ZNF831: variants seen among roughly 807,000 people sequenced by gnomAD.
The protein encoded by ZNF831 is chromosome 20 open reading frame 174.
In ZNF831, 59 loss-of-function variants were observed where a neutral mutation model predicts 95.8. That is an observed-to-expected ratio of 0.62 (90% CI 0.50 to 0.77). ZNF831 has a LOEUF of 0.77. Ranked by LOEUF, ZNF831 falls within the 30% of genes least tolerant of loss-of-function variation. The probability of loss-of-function intolerance (pLI) is 0.00; values close to 1 mark genes in which losing one functional copy is unlikely to be tolerated. For missense variants in ZNF831, 2,205 were observed against 2,164.0 expected (o/e 1.02, Z -0.38); for synonymous variants, 961 against 925.5 (o/e 1.04, Z -0.70).
intron 1 of ZNF831, among the ~76,000 whole-genome samples, chr20:59,165,023 G>T (rs1362935666): frequency 1.3e-5 from 2 of 152,178 alleles, no homozygotes; most frequent in African/African-American, 4.8e-5. Flanking sequence ...TCGCTTTATT[G>T]CCCCAGCTAA....
At chr20:59,232,961 G>A (rs942667040) in intron 4 of ZNF831, among the ~76,000 whole-genome samples, 1 of 148,986 alleles carries the variant, frequency 6.7e-6, no homozygotes, top group Admixed American at 6.7e-5. Context: ...GAAGTTCTGG[G>A]ATTCCTCTCA....
intron 4 of ZNF831, among the ~76,000 whole-genome samples, chr20:59,219,669 C>T (rs891285154): frequency 5.9e-5 from 9 of 152,148 alleles, no homozygotes; most frequent in African/African-American, 1.7e-4. Flanking sequence ...AACCGAAGGC[C>T]GTCACTCTTT....
intron 5 of ZNF831, 29 bp from the exon 6 acceptor site, chr20:59,253,869 C>CCTTTTTTTTTTTTTTTTT: frequency 9.4e-7 from 1 of 1,067,576 alleles, no homozygotes; most frequent in South Asian, 2.0e-5. Context: ...TCCCCCCCCA[C>CCTTTTTTTTTTTTTTTTT]TTTTTTTTTC....
chr20:59,258,197 G>T lies in ZNF831; in HGVS notation c.*3454G>T, dbSNP rs752711113. 1 of 152,160 alleles carries T rather than the reference G, an allele frequency of 6.6e-6. No individual in the cohort carries two copies. The highest frequency in any genetic ancestry group is 1.5e-5 in the Non-Finnish European group (1 of 68,022). 9.4% of individuals were successfully genotyped at this position (152,160 alleles called of 1,614,324 possible). A position where few individuals can be genotyped will look rare whatever the true frequency, so the allele number is the denominator to read the frequency against. On this transcript the variant is annotated 3_prime_UTR_variant, in exon 6 of 6. Transcript: ENST00000371030. ...TGATTAAAAAAAAAGATGGAGGAGGGTGTCTCTGAATTTTAATGGAAACAC... is the reference window on the plus strand; with the variant it reads ...TGATTAAAAAAAAAGATGGAGGAGGTTGTCTCTGAATTTTAATGGAAACAC...
chr20:59,169,172 G>T lies in ZNF831; in HGVS notation c.-37+4965G>T, dbSNP rs1001676406. 6.6e-6 allele frequency among the ~76,000 whole-genome samples: 1 copy of T among 152,162 alleles called. No homozygotes were observed. The highest frequency in any genetic ancestry group is 1.5e-5 in the Non-Finnish European group (1 of 68,026). On this transcript the variant is annotated intron_variant, in intron 1 of 5. Coordinates refer to ENST00000371030, the MANE Select transcript of ZNF831 (RefSeq NM_178457.3). This position sits in a 1 kb window ranked among gnomAD's most constrained non-coding sequence, Gnocchi z 4.1. ...AGAATTCTCCACATCAGGGCCTGGA[G>T]ACTTCTTAGCAGGGAGCTTCAAAAT...
rs1045121288 is a variant in ZNF831, at chr20:59,217,356, C to T, written c.4027+10300C>T. Among the ~76,000 whole-genome samples the T allele has an allele frequency of 5.9e-5, 9 of 152,248 alleles. No individual in the cohort carries two copies. Among genetic ancestry groups the T allele is most frequent in the Admixed American group, 4.6e-4 (7 of 15,290 alleles). ...GAATACTCTTATTTATGAAGCCATT[C>T]TCCTATTAACGAAGAGTTTGGTCAT... On this transcript the variant is annotated intron_variant, in intron 4 of 5. Transcript: ENST00000371030. The surrounding 1 kb of genome is among the most constrained non-coding windows in gnomAD (Gnocchi z 4.4).
chr20:59,219,147 TAATGC>T (rs1292619506), intron 4 of ZNF831, among the ~76,000 whole-genome samples: 2 of 152,220 alleles, frequency 1.3e-5, no homozygotes, highest in Non-Finnish European at 2.9e-5. Flanking sequence ...ACTCATGGCT[TAATGC>T]AATTAGGTAT....
In ZNF831 at chr20:59,231,456, G is replaced by A. The variant is rs369368648; in HGVS notation, c.4028-21522G>A. 1.3e-4 allele frequency among the ~76,000 whole-genome samples: 20 copies of A among 152,212 alleles called. No homozygotes were observed. The East Asian group carries it at 2.9e-3, about 22-fold the overall frequency. ...CTTATGCTTCAACCATTAGTCTCTCGAGGCAGTAGTAAAATCTTATTCATT... is the reference window on the plus strand; with the variant it reads ...CTTATGCTTCAACCATTAGTCTCTCAAGGCAGTAGTAAAATCTTATTCATT... On this transcript the variant is annotated intron_variant, in intron 4 of 5. Transcript: ENST00000371030.
chr20:59,149,702 C>A (rs1035647181), intron 2 of ZNF831, among the ~76,000 whole-genome samples: 4 of 152,254 alleles, frequency 2.6e-5, no homozygotes, highest in Non-Finnish European at 5.9e-5. Flanking sequence ...GGGCCCCCAA[C>A]ACATGTTTCA....
At position 59,192,536 on chromosome 20, in the gene ZNF831, C is replaced by G; in HGVS notation, c.1517C>G (p.Ser506Trp). The G allele has an allele frequency of 6.5e-7, 1 of 1,528,300 alleles. No homozygotes were observed. Among genetic ancestry groups the G allele is most frequent in the Non-Finnish European group, 8.8e-7 (1 of 1,139,972 alleles). The allele number at this position is 1,528,300 out of a possible 1,614,324, so 94.7% of individuals were successfully genotyped here. Residue 506 changes from serine to tryptophan, a missense_variant, in exon 2 of 6, where the codon TCG (serine) becomes TGG (tryptophan). Ser to Trp is a radical substitution (Grantham distance 177). Transcript: ENST00000371030. This position sits in a 1 kb window ranked among gnomAD's most constrained non-coding sequence, Gnocchi z 5.2. Reference protein sequence around the residue: ...VECVPVTRSNSLPFVEGSRTW... With the variant: ...VECVPVTRSNWLPFVEGSRTW... ...TGTGTCCCCGTCACCAGGAGCAACT[C>G]GCTGCCCTTCGTCGAGGGCTCCAGG...
intron 3 of ZNF831, among the ~76,000 whole-genome samples, chr20:59,204,118 G>A (rs1476675179): frequency 6.6e-6 from 1 of 152,178 alleles, no homozygotes; most frequent in Non-Finnish European, 1.5e-5. Context: ...TGGGAGAAGG[G>A]CACTCTATAA....
At chr20:59,186,802 C>G (rs910175069) in intron 1 of ZNF831, among the ~76,000 whole-genome samples, 2 of 152,140 alleles carry the variant, frequency 1.3e-5, no homozygotes, top group African/African-American at 4.8e-5. Context: ...GCCAGGGGCT[C>G]TTGCAGATGG....
At chr20:59,152,540 G>T (rs1980306787) in intron 2 of ZNF831, among the ~76,000 whole-genome samples, 1 of 152,156 alleles carries the variant, frequency 6.6e-6, no homozygotes, top group South Asian at 2.1e-4. Context: ...TGGAGCTGGC[G>T]AATAGGGTAC....
chr20:59,141,923 C>T (rs557089813), intron 1 of ZNF831, among the ~76,000 whole-genome samples: 26 of 152,292 alleles, frequency 1.7e-4, no homozygotes, highest in Admixed American at 7.8e-4. Context: ...CCCTCGTCTC[C>T]CAGCACCCCT....
At chr20:59,153,185 C>T (rs1460433411) in intron 2 of ZNF831, among the ~76,000 whole-genome samples, 1 of 152,196 alleles carries the variant, frequency 6.6e-6, no homozygotes, top group African/African-American at 2.4e-5. Context: ...AGCTCAGCAC[C>T]CACCTGATTT....
intron 1 of ZNF831, 94 bp from the exon 2 acceptor site, chr20:59,190,890 T>C (rs1983443199): frequency 2.9e-5 from 32 of 1,096,754 alleles, no homozygotes; most frequent in South Asian, 5.0e-5. Flanking sequence ...CAGGCTTCCG[T>C]TGGGTGATGA....
chr20:59,142,586 C>A (rs961799579), intron 1 of ZNF831, among the ~76,000 whole-genome samples: 1 of 152,214 alleles, frequency 6.6e-6, no homozygotes, highest in Non-Finnish European at 1.5e-5. Context: ...AGCAAGCTAC[C>A]CCCTTTCCAG....
At chr20:59,125,256 C>A (rs1255948817) in intron 1 of ZNF831, among the ~76,000 whole-genome samples, 1 of 152,214 alleles carries the variant, frequency 6.6e-6, no homozygotes, top group African/African-American at 2.4e-5. Context: ...CACTCGCCAT[C>A]CCTGGCCTCA....
Position 59,254,467 on chromosome 20 carries a change from CAA to C in ZNF831, c.4759_4760del (p.Lys1587AspfsTer24), listed in dbSNP as rs1373904631. 1.2e-6 allele frequency: 2 copies of C among 1,614,224 alleles called. No homozygotes were observed. The highest frequency in any genetic ancestry group is 1.7e-6 in the Non-Finnish European group (2 of 1,180,040). On this transcript the variant is annotated frameshift_variant, in exon 6 of 6. Transcript: ENST00000371030. LOFTEE classifies it low-confidence loss of function (END_TRUNC). The surrounding 1 kb of genome is among the most constrained non-coding windows in gnomAD (Gnocchi z 4.5). ...ASSHHKEGRH[K>X]TFFPSRGQYG... is the part of the protein sequence containing the mutation. ...GTTCACACCACAAGGAAGGGAGACA[CAA>C]GACGTTTTTTCCTTCCAGAGGCCAG...
Sources: gnomAD v4.1 joint callset for allele counts (sites outside exome capture counted in the v4.1 genomes callset) on GRCh38, gnomAD v4.1.1 for gene constraint, Gnocchi (gnomAD v3.1) non-coding constraint, MANE v1.5 for transcripts, NCBI Gene and HGNC (gene_info 2026-07-23, HGNC 2026-07-21) for gene names.